Variants in RGL1 observed in about 807,000 individuals in gnomAD.
RGL1 encodes ral guanine nucleotide dissociation stimulator-like 1.
In RGL1, 24 loss-of-function variants were observed where a neutral mutation model predicts 95.2. The ratio of observed to expected loss-of-function variants is 0.25; its 90% confidence interval spans 0.18 to 0.35. RGL1 has a LOEUF of 0.35. RGL1 is among the 10% of genes least tolerant of loss of function. RGL1 has a pLI of 1.00. For missense variants in RGL1, 715 were observed against 936.3 expected (o/e 0.76, Z 3.08); for synonymous variants, 329 against 344.9 (o/e 0.95, Z 0.51).
In RGL1 at chr1:183,915,815, C is replaced by T. The variant is rs141002952; in HGVS notation, c.1750-632C>T. 2.3e-4 allele frequency among the ~76,000 whole-genome samples: 35 copies of T among 152,270 alleles called. No homozygotes were observed. In the Middle Eastern group the frequency reaches 0.01, roughly 44 times the overall value. The stretch of plus-strand genomic sequence containing the variant: ...TGGCCATGTGCTTGCTCTGGGAACT[C>T]GACAGTGGGAATCAGGGAGCTTGGG... On this transcript the variant is annotated intron_variant, in intron 15 of 17. Transcript: ENST00000360851.
intron 2 of RGL1, among the ~76,000 whole-genome samples, chr1:183,828,226 T>A (rs763038523): frequency 1.3e-5 from 2 of 152,250 alleles, no homozygotes; most frequent in Non-Finnish European, 2.9e-5. Context: ...TTTCACATAG[T>A]CACATGACCT....
At chr1:183,850,813 G>T (rs1444786012) in intron 3 of RGL1, among the ~76,000 whole-genome samples, 1 of 152,186 alleles carries the variant, frequency 6.6e-6, no homozygotes, top group Non-Finnish European at 1.5e-5. Flanking sequence ...TTGGCAGGCA[G>T]TATGAATTGA....
chr1:183,735,221 G>A (rs1275726544), intron 1 of RGL1, among the ~76,000 whole-genome samples: 1 of 152,110 alleles, frequency 6.6e-6, no homozygotes, highest in Non-Finnish European at 1.5e-5. Context: ...CATTTAACAG[G>A]AGACAGTTGC....
chr1:183,789,859 C>G (rs1660359676), intron 2 of RGL1, among the ~76,000 whole-genome samples: 1 of 145,824 alleles, frequency 6.9e-6, no homozygotes, highest in Non-Finnish European at 1.5e-5. Context: ...GTGGTTTTTG[C>G]CATTAAAAGT....
At chr1:183,735,940 TC>T (rs1656911030) in intron 1 of RGL1, among the ~76,000 whole-genome samples, 1 of 152,164 alleles carries the variant, frequency 6.6e-6, no homozygotes, top group Non-Finnish European at 1.5e-5. Context: ...CCTTCTTGGA[TC>T]CCACAATTTG....
chr1:183,660,970 C>T (rs955267045), intron 1 of RGL1, among the ~76,000 whole-genome samples: 13 of 152,060 alleles, frequency 8.5e-5, no homozygotes, highest in Non-Finnish European at 1.8e-4. Flanking sequence ...GGGTACGTAA[C>T]GAAATGAAGG....
At chr1:183,854,485 C>A (rs1665017033) in intron 3 of RGL1, among the ~76,000 whole-genome samples, 1 of 152,170 alleles carries the variant, frequency 6.6e-6, no homozygotes, top group Non-Finnish European at 1.5e-5. Flanking sequence ...TACCAATAAC[C>A]AGCAAAACGG....
chr1:183,905,811 G>C (rs578237175), intron 13 of RGL1, among the ~76,000 whole-genome samples: 3 of 151,960 alleles, frequency 2.0e-5, no homozygotes, highest in South Asian at 2.1e-4. Flanking sequence ...TGATTGGGGT[G>C]GGGGGGAACA....
At chr1:183,919,138 TAAC>T (rs1397473600) in intron 16 of RGL1, among the ~76,000 whole-genome samples, 1 of 152,240 alleles carries the variant, frequency 6.6e-6, no homozygotes, top group Non-Finnish European at 1.5e-5. Flanking sequence ...TCATTTAAAA[TAAC>T]AATAATGAAC....
At chr1:183,859,433 G>GTTA (rs1022990581) in intron 3 of RGL1, among the ~76,000 whole-genome samples, 13 of 152,264 alleles carry the variant, frequency 8.5e-5, no homozygotes, top group African/African-American at 3.1e-4. Context: ...GACAGTTGTG[G>GTTA]GTTAAGGGCT....
At chr1:183,765,146 T>C (rs551526003) in intron 2 of RGL1, among the ~76,000 whole-genome samples, 1 of 152,320 alleles carries the variant, frequency 6.6e-6, no homozygotes, top group Non-Finnish European at 1.5e-5. Flanking sequence ...AGGAACTGCA[T>C]AGACAAGGTA....
At chr1:183,885,882 G>A (rs936908714) in intron 7 of RGL1, among the ~76,000 whole-genome samples, 7 of 152,082 alleles carry the variant, frequency 4.6e-5, no homozygotes, top group African/African-American at 1.7e-4. Context: ...AGGTTTCATG[G>A]ATGAATTGAC....
chr1:183,805,966 CTTTTCTTTTTTTTTTTT>C (rs1661277206), intron 1 of RGL1, among the ~76,000 whole-genome samples: 5 of 28,374 alleles, frequency 1.8e-4, no homozygotes, highest in East Asian at 1.1e-3. Flanking sequence ...TTTTTCTTTT[CTTTTCTTTTTTTTTTTT>C]TTTTTTTTTT....
intron 1 of RGL1, among the ~76,000 whole-genome samples, chr1:183,657,213 ATCT>A (rs1651232864): frequency 6.6e-6 from 1 of 152,184 alleles, no homozygotes; most frequent in Non-Finnish European, 1.5e-5. Flanking sequence ...ATCTTGAGAC[ATCT>A]TTCCATTTCT....
intron 2 of RGL1, among the ~76,000 whole-genome samples, chr1:183,789,421 G>C (rs1410090572): frequency 6.6e-6 from 1 of 152,194 alleles, no homozygotes; most frequent in Non-Finnish European, 1.5e-5. Flanking sequence ...TTGCACTCCA[G>C]CCTGGGCAAC....
intron 7 of RGL1, among the ~76,000 whole-genome samples, chr1:183,885,169 C>A (rs942267194): frequency 1.3e-5 from 2 of 152,128 alleles, no homozygotes; most frequent in Non-Finnish European, 2.9e-5. Context: ...TCACTTCTTC[C>A]CAGTTATGGG....
chr1:183,660,408 C>G (rs1449253177), intron 1 of RGL1, among the ~76,000 whole-genome samples: 3 of 150,358 alleles, frequency 2.0e-5, no homozygotes, highest in Non-Finnish European at 4.4e-5. Flanking sequence ...GGTTGCAATC[C>G]TAGTCTCTGA....
chr1:183,849,489 T>A lies in RGL1; in HGVS notation c.347+1715T>A, dbSNP rs866153289. On this transcript the variant is annotated intron_variant, in intron 3 of 17. Transcript: ENST00000360851. ...AAGTTTTCTCCAGTTTTTAGTTTTT[T>A]TTTTTTTTTTTTTTTTTGTTGAGAT... is the stretch of plus-strand genomic sequence containing the variant. Among the ~76,000 whole-genome samples the A allele has an allele frequency of 2.5e-4, 32 of 127,118 alleles. 1 individual carries two copies. The highest frequency in any genetic ancestry group is 7.1e-4 in the African/African-American group (22 of 31,000). The allele number at this position is 127,118 out of a possible 152,430, so 83.4% of individuals were successfully genotyped here.
At chr1:183,780,902 G>A (rs930095380) in intron 2 of RGL1, among the ~76,000 whole-genome samples, 12 of 152,166 alleles carry the variant, frequency 7.9e-5, no homozygotes, top group African/African-American at 1.4e-4. Context: ...ATGCTGTTCC[G>A]TGGCAATGGA....
Sources: allele counts gnomAD v4.1 joint callset (sites outside exome capture counted in the v4.1 genomes callset), GRCh38; gene constraint gnomAD v4.1.1; transcripts MANE v1.5; gene names NCBI Gene and HGNC (gene_info 2026-07-23, HGNC 2026-07-21).